SERINC3: variants seen among roughly 807,000 people sequenced by gnomAD.
SERINC3 encodes the protein serine incorporator 3.
In SERINC3, 22 loss-of-function variants were observed where a neutral mutation model predicts 52.1. The observed-to-expected ratio is 0.42, with a 90% CI of 0.30 to 0.60. The LOEUF is 0.60. SERINC3 is among the 20% of genes least tolerant of loss of function. The pLI, the probability that SERINC3 is intolerant of heterozygous loss-of-function variation, is 0.16. For synonymous variants in SERINC3, 226 were observed against 212.7 expected (o/e 1.06, Z -0.54); for missense variants, 564 against 584.6 (o/e 0.96, Z 0.36).
chr20:44,504,109 T>A (rs1568785057), intron 7 of SERINC3, 114 bp from the exon 8 acceptor site: 1 of 825,982 alleles, frequency 1.2e-6, no homozygotes, highest in East Asian at 3.2e-5. Context: ...GGGAATGCTT[T>A]ACTTAAAAAA....
chr20:44,501,174 C>G lies in SERINC3; in HGVS notation c.1182G>C (p.Val394=). 6.2e-7 allele frequency: 1 copy of G among 1,614,076 alleles called. No homozygotes were observed. Among genetic ancestry groups the G allele is most frequent in the Non-Finnish European group, 8.5e-7 (1 of 1,179,998 alleles). Residue 394 remains valine (V), a synonymous_variant, in exon 9 of 10, where the codon GTG becomes GTC. Coordinates refer to ENST00000342374, the MANE Select transcript of SERINC3 (RefSeq NM_006811.4). ...ACTGCACTCCCTCTTTCTCGTTGTC[C>G]ACAGCCCGCCGAGGCTGTCCATCTT... The part of the protein sequence containing the change: ...DEEDGQPRRA[V]DNEKEGVQYS...
intron 6 of SERINC3, 24 bp downstream of exon 6, chr20:44,506,803 G>C: frequency 6.6e-7 from 1 of 1,512,338 alleles, no homozygotes; most frequent in African/African-American, 1.4e-5. Context: ...TTTCACAGGA[G>C]AAAGAAGTAG....
downstream of SERINC3, chr20:44,497,334 C>T (rs910808651): frequency 6.6e-6 from 1 of 152,290 alleles, no homozygotes; most frequent in East Asian, 1.9e-4. Flanking sequence ...GGTTTTCCTA[C>T]TAAGAGGCAG....
downstream of SERINC3, among the ~76,000 whole-genome samples, chr20:44,496,983 GA>G (rs2064252548): frequency 6.6e-6 from 1 of 152,144 alleles, no homozygotes; most frequent in Non-Finnish European, 1.5e-5. Flanking sequence ...GACCAACCTA[GA>G]AAATAAAGGA....
At chr20:44,501,321 A>G (rs1272023237) in intron 8 of SERINC3, 21 bp from the exon 9 acceptor site, 1 of 1,599,666 alleles carries the variant, frequency 6.3e-7, no homozygotes. Context: ...ATCCCAAGGA[A>G]GACAAATCAG....
chr20:44,506,938 G>T lies in SERINC3; in HGVS notation c.672C>A (p.Leu224=). ...CATCTGGTTTGGTGTAATATGTATAGAGCAGCCCGACACAGATGATTGACA... is the reference window on the plus strand; with the variant it reads ...CATCTGGTTTGGTGTAATATGTATATAGCAGCCCGACACAGATGATTGACA... ...YILSIICVGL[L]YTYYTKPDGC... Residue 224 remains leucine (L), a synonymous_variant, in exon 6 of 10, where the codon CTC becomes CTA. Coordinates refer to ENST00000342374, the MANE Select transcript of SERINC3 (RefSeq NM_006811.4). The T allele has an allele frequency of 3.1e-6, 5 of 1,613,188 alleles. 1 individual carries two copies. The South Asian group carries it at 5.5e-5, about 18-fold the overall frequency.
chr20:44,503,759 C>G, intron 8 of SERINC3, 56 bp downstream of exon 8: 1 of 1,370,902 alleles, frequency 7.3e-7, no homozygotes, highest in Non-Finnish European at 9.8e-7. Flanking sequence ...AAAACAGCTT[C>G]TTCACTTTAT....
At chr20:44,503,201 T>G (rs1032676040) in intron 8 of SERINC3, among the ~76,000 whole-genome samples, 1 of 152,198 alleles carries the variant, frequency 6.6e-6, no homozygotes, top group Non-Finnish European at 1.5e-5. Flanking sequence ...CTATACAGAT[T>G]CAACTCAATC....
intron 1 of SERINC3, among the ~76,000 whole-genome samples, chr20:44,515,548 G>A (rs2064374861): frequency 6.6e-6 from 1 of 152,200 alleles, no homozygotes; most frequent in Admixed American, 6.5e-5. Flanking sequence ...GAAGGGAAAT[G>A]GGAGTGATGG....
rs867585989 is a variant in SERINC3, at chr20:44,500,386, C to T, written c.1332G>A (p.Trp444Ter). ...QSMTSKWPAV[W>*]VKISSSWVCL... is the part of the protein sequence containing the mutation. ...AGACCCAGCTGGAGCTGATCTTGAC[C>T]CACACAGCTGGCCACTTGCTGGTCA... Residue 444 changes from tryptophan to a stop codon, truncating the protein, a stop_gained, in exon 10 of 10, where the codon TGG becomes TGA. Coordinates refer to ENST00000342374, the MANE Select transcript of SERINC3 (RefSeq NM_006811.4). LOFTEE classifies it high-confidence loss of function. 1.3e-6 allele frequency: 2 copies of T among 1,594,290 alleles called. No individual in the cohort carries two copies. Among genetic ancestry groups the T allele is most frequent in the Non-Finnish European group, 1.7e-6 (2 of 1,170,070 alleles).
chr20:44,504,956 G>T, intron 6 of SERINC3, 65 bp from the exon 7 acceptor site: 1 of 1,221,712 alleles, frequency 8.2e-7, no homozygotes, highest in Non-Finnish European at 1.2e-6. Context: ...AAAATGCAGT[G>T]CACTTCTCTG....
At chr20:44,496,343 C>T (rs940946277), downstream of SERINC3, 11 of 152,348 alleles carry the variant, frequency 7.2e-5, no homozygotes, top group African/African-American at 2.7e-4. Context: ...TAGGACATCA[C>T]TGAGTTGGGT....
At chr20:44,511,847 A>G (rs2064349585) in intron 3 of SERINC3, among the ~76,000 whole-genome samples, 1 of 152,248 alleles carries the variant, frequency 6.6e-6, no homozygotes, top group Admixed American at 6.5e-5. Flanking sequence ...GGCAGAGTGG[A>G]AAGAACCAGG....
intron 4 of SERINC3, among the ~76,000 whole-genome samples, chr20:44,510,837 AG>A (rs2064342805): frequency 6.6e-6 from 1 of 152,096 alleles, no homozygotes; most frequent in South Asian, 2.1e-4. Flanking sequence ...AGTGAGTTGC[AG>A]GTACTAAGTC....
intron 3 of SERINC3, 111 bp downstream of exon 3, chr20:44,512,690 G>A (rs2064355820): frequency 3.7e-6 from 3 of 811,554 alleles, no homozygotes; most frequent in Non-Finnish European, 5.6e-6. Flanking sequence ...AAATGCATCT[G>A]AGCCACTCAT....
chr20:44,513,034 T>C lies in SERINC3; in HGVS notation c.202-40A>G, dbSNP rs552092321. The C allele has an allele frequency of 2.9e-6, 4 of 1,384,726 alleles. No homozygotes were observed. In the African/African-American group the frequency reaches 4.5e-5, roughly 16 times the overall value. 85.8% of individuals were successfully genotyped at this position (1,384,726 alleles called of 1,614,324 possible). ...TTTCAATGTTACGAGAATATCTACATTTAGACAGAGACTCTAACCCACTGC... is the reference window on the plus strand; with the variant it reads ...TTTCAATGTTACGAGAATATCTACACTTAGACAGAGACTCTAACCCACTGC... On this transcript the variant is annotated intron_variant, in intron 2 of 9. Transcript: ENST00000342374.
chr20:44,504,006 G>T lies in SERINC3; in HGVS notation c.875-11C>A. On this transcript the variant is annotated splice_polypyrimidine_tract_variant and intron_variant, in intron 7 of 9. Transcript: ENST00000342374. Reference sequence around the variant, plus strand: ...GATTGCAGGAACGATCTGAAAATGAGAAAATTTGTATTATCCTTGGTTACA... The same window carrying T: ...GATTGCAGGAACGATCTGAAAATGATAAAATTTGTATTATCCTTGGTTACA... 6.4e-7 allele frequency: 1 copy of T among 1,571,794 alleles called. No individual in the cohort carries two copies. The highest frequency in any genetic ancestry group is 1.4e-5 in the African/African-American group (1 of 72,110).
chr20:44,517,213 T>A (rs2064386106), intron 1 of SERINC3, among the ~76,000 whole-genome samples: 1 of 152,208 alleles, frequency 6.6e-6, no homozygotes, highest in Non-Finnish European at 1.5e-5. Context: ...CCTGACATAT[T>A]TATCAGGCTC....
At chr20:44,516,238 G>A (rs2123068477) in intron 1 of SERINC3, among the ~76,000 whole-genome samples, 1 of 151,948 alleles carries the variant, frequency 6.6e-6, no homozygotes, top group East Asian at 2.0e-4. Context: ...GGTGGCCAAG[G>A]TTGCAGTGAG....
Sources: allele counts gnomAD v4.1 joint callset (sites outside exome capture counted in the v4.1 genomes callset), GRCh38; gene constraint gnomAD v4.1.1; transcripts MANE v1.5; gene names NCBI Gene and HGNC (gene_info 2026-07-23, HGNC 2026-07-21).